Variants in RYR2 observed in about 807,000 individuals in gnomAD.
RYR2 encodes the protein cardiac muscle ryanodine receptor-calcium release channel.
A neutral mutation model predicts 601.1 loss-of-function variants in RYR2; 227 were observed. The ratio of observed to expected loss-of-function variants is 0.38; its 90% CI spans 0.34 to 0.42. The LOEUF is 0.42. RYR2 is among the 10% of genes least tolerant of loss of function. The pLI is 1.00. For synonymous variants in RYR2, 2,223 were observed against 2,175.1 expected (o/e 1.02, Z -0.61); for missense variants, 4,646 against 6,156.5 (o/e 0.75, Z 8.21).
chr1:237,247,456 C>T (rs974620390), intron 1 of RYR2, among the ~76,000 whole-genome samples: 15 of 152,030 alleles, frequency 9.9e-5, no homozygotes, highest in South Asian at 4.2e-4. Flanking sequence ...AACTATAGGG[C>T]GAAGAAGGGA....
chr1:237,798,197 C>T (rs781660308), intron 97 of RYR2, 27 bp downstream of exon 97: 9 of 1,594,786 alleles, frequency 5.6e-6, no homozygotes, highest in South Asian at 3.5e-5. Context: ...CTCTATCCTA[C>T]AGACTTAGAT....
chr1:237,501,248 T>A (rs183858629), intron 21 of RYR2, among the ~76,000 whole-genome samples: 4 of 152,218 alleles, frequency 2.6e-5, no homozygotes, highest in Non-Finnish European at 5.9e-5. Flanking sequence ...CTTATTTTCT[T>A]ATATTTTCAT....
At position 237,717,079 on chromosome 1, in the gene RYR2, T is replaced by C. The variant is rs934976639; in HGVS notation, c.10324-119T>C. On this transcript the variant is annotated intron_variant, in intron 71 of 104. Coordinates refer to ENST00000366574, the MANE Select transcript of RYR2 (RefSeq NM_001035.3). The stretch of plus-strand genomic sequence containing the variant: ...AATTATTCTCAAAACAGGAGGATTT[T>C]CAAAACTAGGGAGCAGCAGAAAATG... The C allele has an allele frequency of 6.6e-5, 58 of 874,730 alleles. No individual in the cohort carries two copies. In the African/African-American group the frequency reaches 9.2e-4, roughly 14 times the overall value. The allele number at this position is 874,730 out of a possible 1,614,324, so 54.2% of individuals were successfully genotyped here. A position where few individuals can be genotyped will look rare whatever the true frequency, so the allele number is the denominator to read the frequency against.
chr1:237,410,648 G>A (rs978656735), intron 10 of RYR2, among the ~76,000 whole-genome samples: 5 of 152,132 alleles, frequency 3.3e-5, no homozygotes, highest in East Asian at 3.9e-4. Context: ...CATATGGCTC[G>A]CAAAACCGAA....
chr1:237,415,503 A>C (rs938585148), intron 10 of RYR2, among the ~76,000 whole-genome samples: 5 of 152,292 alleles, frequency 3.3e-5, no homozygotes, highest in Admixed American at 2.6e-4. Flanking sequence ...CAATTTGTGA[A>C]ATGTTCTTGC....
At position 237,210,311 on chromosome 1, in the gene RYR2, T is replaced by C. The variant is rs1682433933; in HGVS notation, c.49-60186T>C. 2.0e-5 allele frequency among the ~76,000 whole-genome samples: 3 copies of C among 152,366 alleles called. No homozygotes were observed. The South Asian group carries it at 6.2e-4, about 32-fold the overall frequency. ...GGGACTATTTCATATTAGAGAATCTTGTCTCCTTGTCTTAGATGCTATTTT... is the reference window on the plus strand; with the variant it reads ...GGGACTATTTCATATTAGAGAATCTCGTCTCCTTGTCTTAGATGCTATTTT... On this transcript the variant is annotated intron_variant, in intron 1 of 104. Coordinates refer to ENST00000366574, the MANE Select transcript of RYR2 (RefSeq NM_001035.3).
intron 84 of RYR2, among the ~76,000 whole-genome samples, chr1:237,768,836 C>T (rs1254176867): frequency 6.6e-6 from 1 of 152,128 alleles, no homozygotes; most frequent in Non-Finnish European, 1.5e-5. Flanking sequence ...TGATGGTAAA[C>T]GAAGGCCTGA....
intron 98 of RYR2, among the ~76,000 whole-genome samples, chr1:237,803,783 C>T (rs978925906): frequency 3.3e-5 from 5 of 152,134 alleles, no homozygotes; most frequent in African/African-American, 1.2e-4. Context: ...CCTCTTCTTT[C>T]TCCCTCCAAT....
intron 1 of RYR2, among the ~76,000 whole-genome samples, chr1:237,062,749 A>C (rs1663039364): frequency 6.6e-6 from 1 of 152,138 alleles, no homozygotes; most frequent in Non-Finnish European, 1.5e-5. Flanking sequence ...TGCTGACTAG[A>C]AGACATGATA....
intron 1 of RYR2, among the ~76,000 whole-genome samples, chr1:237,158,964 G>A (rs1675698216): frequency 6.6e-6 from 1 of 152,206 alleles, no homozygotes; most frequent in East Asian, 1.9e-4. Flanking sequence ...ATCAACACAC[G>A]GTAGTGTAAG....
At chr1:237,601,341 AAATACTGCAT>A (rs1381804708) in intron 34 of RYR2, among the ~76,000 whole-genome samples, 2 of 152,204 alleles carry the variant, frequency 1.3e-5, no homozygotes, top group African/African-American at 4.8e-5. Flanking sequence ...ATAGAAAGAA[AAATACTGCAT>A]TGCCCACTCA....
In RYR2 at chr1:237,668,951, A is replaced by G. The variant is rs571448681; in HGVS notation, c.8590+993A>G. Among the ~76,000 whole-genome samples the G allele has an allele frequency of 3.0e-3, 451 of 151,772 alleles. 1 individual carries two copies. Among genetic ancestry groups the G allele is most frequent in the African/African-American group, 0.01 (432 of 41,422 alleles). On this transcript the variant is annotated intron_variant, in intron 58 of 104. Coordinates refer to ENST00000366574, the MANE Select transcript of RYR2 (RefSeq NM_001035.3). ...GGGGATTTGGCAGGGTCATAGGACA[A>G]TAGTGGAGGGAAGGTCAGCAGATAA...
chr1:237,073,313 C>T (rs938123977), intron 1 of RYR2, among the ~76,000 whole-genome samples: 5 of 152,116 alleles, frequency 3.3e-5, no homozygotes, highest in South Asian at 4.1e-4. Context: ...CCATATACAA[C>T]GTGGACCACA....
chr1:237,449,860 G>A (rs968170391), intron 14 of RYR2, among the ~76,000 whole-genome samples: 1 of 151,734 alleles, frequency 6.6e-6, no homozygotes, highest in Admixed American at 6.6e-5. Context: ...CAGACATTGT[G>A]AATTTGTTAG....
chr1:237,275,555 A>G (rs555352174), intron 2 of RYR2, among the ~76,000 whole-genome samples: 2 of 152,282 alleles, frequency 1.3e-5, no homozygotes, highest in South Asian at 4.1e-4. Flanking sequence ...CATGGCCCCA[A>G]TAACAGATAC....
intron 29 of RYR2, among the ~76,000 whole-genome samples, chr1:237,576,575 T>C (rs1673246287): frequency 6.6e-6 from 1 of 152,058 alleles, no homozygotes; most frequent in South Asian, 2.1e-4. Context: ...CCCTATATGA[T>C]AACGAACTCC....
At chr1:237,179,575 G>A (rs1678468017) in intron 1 of RYR2, among the ~76,000 whole-genome samples, 1 of 152,082 alleles carries the variant, frequency 6.6e-6, no homozygotes, top group Admixed American at 6.5e-5. Flanking sequence ...GTTATTTCAT[G>A]TAATGCCCCA....
intron 1 of RYR2, among the ~76,000 whole-genome samples, chr1:237,117,232 AC>A (rs1433116112): frequency 6.6e-6 from 1 of 152,156 alleles, no homozygotes; most frequent in African/African-American, 2.4e-5. Flanking sequence ...AGTGAGAAGT[AC>A]AGTAGAAGAT....
At chr1:237,290,299 T>C (rs539204745) in intron 2 of RYR2, among the ~76,000 whole-genome samples, 101 of 152,276 alleles carry the variant, frequency 6.6e-4, no homozygotes, top group African/African-American at 2.3e-3. Context: ...TATGAAATGA[T>C]AGAAAGGGAA....
Sources: gnomAD v4.1 joint callset for allele counts (sites outside exome capture counted in the v4.1 genomes callset) on GRCh38, gnomAD v4.1.1 for gene constraint, MANE v1.5 for transcripts, NCBI Gene and HGNC (gene_info 2026-07-23, HGNC 2026-07-21) for gene names.